Variants in GRIK1 observed in about 807,000 individuals in gnomAD.
GRIK1 encodes the protein glutamate receptor ionotropic, kainate 1.
GRIK1 carries 69 observed loss-of-function variants against 105.7 expected under a neutral mutation model. The ratio of observed to expected loss-of-function variants is 0.65; its 90% confidence interval spans 0.54 to 0.80. The LOEUF is 0.80. Ranked by LOEUF, GRIK1 falls within the 30% of genes least tolerant of loss-of-function variation. The pLI, the probability that GRIK1 is intolerant of heterozygous loss-of-function variation, is 0.00. For missense variants in GRIK1, 1,109 were observed against 1,167.3 expected (o/e 0.95, Z 0.73); for synonymous variants, 438 against 431.3 (o/e 1.02, Z -0.19).
chr21:29,869,475 G>C (rs1013424124), intron 1 of GRIK1, among the ~76,000 whole-genome samples: 5 of 152,326 alleles, frequency 3.3e-5, no homozygotes, highest in African/African-American at 1.2e-4. Context: ...GGAAAGCATT[G>C]ATATTGATTG....
At chr21:29,850,259 C>T (rs540913176) in intron 1 of GRIK1, among the ~76,000 whole-genome samples, 2 of 152,096 alleles carry the variant, frequency 1.3e-5, no homozygotes, top group African/African-American at 4.8e-5. Context: ...TCCTGGGTAG[C>T]ATTTCTTAAA....
chr21:29,882,776 T>C (rs1309047399), intron 1 of GRIK1, among the ~76,000 whole-genome samples: 5 of 152,100 alleles, frequency 3.3e-5, no homozygotes, highest in Non-Finnish European at 5.9e-5. Flanking sequence ...TTTGTTTCTA[T>C]TTCTCCACAC....
At chr21:29,845,218 CCTT>C (rs1293499670) in intron 1 of GRIK1, among the ~76,000 whole-genome samples, 1 of 151,120 alleles carries the variant, frequency 6.6e-6, no homozygotes, top group African/African-American at 2.4e-5. Context: ...TATTTTTTCT[CCTT>C]TATTTGTTGA....
chr21:29,568,158 A>G (rs1269671303), intron 14 of GRIK1, among the ~76,000 whole-genome samples: 1 of 152,232 alleles, frequency 6.6e-6, no homozygotes, highest in African/African-American at 2.4e-5. Context: ...AATTGACCTC[A>G]TAGATTTCTT....
intron 4 of GRIK1, among the ~76,000 whole-genome samples, chr21:29,658,545 A>G (rs527413915): frequency 6.6e-6 from 1 of 152,384 alleles, no homozygotes; most frequent in African/African-American, 2.4e-5. Context: ...CACAGGCGTG[A>G]GCCACTGCAC....
intron 7 of GRIK1, among the ~76,000 whole-genome samples, chr21:29,616,971 G>T (rs556671933): frequency 1.3e-5 from 2 of 152,202 alleles, no homozygotes; most frequent in South Asian, 4.2e-4. Context: ...TTTAGATCCA[G>T]CTTAGTTTCA....
intron 1 of GRIK1, among the ~76,000 whole-genome samples, chr21:29,755,611 C>T (rs1028190732): frequency 1.3e-5 from 2 of 152,150 alleles, no homozygotes; most frequent in Admixed American, 6.5e-5. Flanking sequence ...CTTTGGGTGC[C>T]TCTTTACATG....
chr21:29,902,586 G>C (rs2070450327), intron 1 of GRIK1, among the ~76,000 whole-genome samples: 1 of 152,148 alleles, frequency 6.6e-6, no homozygotes, highest in African/African-American at 2.4e-5. Context: ...CAACTTACAA[G>C]AGATGTGAAG....
At chr21:29,596,709 A>T in intron 8 of GRIK1, 139 bp from the exon 9 acceptor site, 4 of 717,666 alleles carry the variant, frequency 5.6e-6, no homozygotes, top group Non-Finnish European at 1.0e-5. Context: ...TCTTAATTCA[A>T]TATAAAGCCT....
At chr21:29,776,474 A>G (rs1207718797) in intron 1 of GRIK1, among the ~76,000 whole-genome samples, 1 of 152,238 alleles carries the variant, frequency 6.6e-6, no homozygotes, top group Non-Finnish European at 1.5e-5. Flanking sequence ...CCATGAAGGC[A>G]TATTGCTCAA....
chr21:29,602,160 A>C (rs2061531352), intron 7 of GRIK1, among the ~76,000 whole-genome samples: 1 of 152,212 alleles, frequency 6.6e-6, no homozygotes, highest in Non-Finnish European at 1.5e-5. Context: ...ATTTTGCATA[A>C]AACGAGCTTT....
rs58785675 is a variant in GRIK1, at chr21:29,868,025, A to AAAGG, written c.118+71354_118+71357dup. Among the ~76,000 whole-genome samples, 809 of 96,714 alleles carry AAAGG rather than the reference A, an allele frequency of 8.4e-3. 17 individuals carry two copies. The highest frequency in any genetic ancestry group is 0.034 in the African/African-American group (722 of 21,494). The allele number at this position is 96,714 out of a possible 152,430, so 63.4% of individuals were successfully genotyped here. ...AAAGAAAGAAAGAAAAGACAGAAAG[A>AAAGG]AAGGAAGGAAGGAAGGAAGGAAGGG... On this transcript the variant is annotated intron_variant, in intron 1 of 17. Transcript: ENST00000327783.
chr21:29,616,263 T>TC (rs2061848887), intron 7 of GRIK1, among the ~76,000 whole-genome samples: 1 of 152,150 alleles, frequency 6.6e-6, no homozygotes, highest in Admixed American at 6.5e-5. Context: ...ACTGAACCCA[T>TC]CTCTTGAGGG....
At chr21:29,642,615 C>T (rs363525) in intron 7 of GRIK1, among the ~76,000 whole-genome samples, 7,862 of 152,286 alleles carry the variant, frequency 0.052, 298 homozygotes, top group African/African-American at 0.11. Flanking sequence ...TATCTGGTAG[C>T]GTCACTGAAC....
intron 4 of GRIK1, among the ~76,000 whole-genome samples, chr21:29,671,633 G>A (rs931223068): frequency 1.3e-5 from 2 of 151,958 alleles, no homozygotes; most frequent in Non-Finnish European, 2.9e-5. Flanking sequence ...TCCTGCGAAG[G>A]GGTTTATCTA....
chr21:29,874,526 T>C (rs2069125685), intron 1 of GRIK1, among the ~76,000 whole-genome samples: 1 of 152,160 alleles, frequency 6.6e-6, no homozygotes, highest in Non-Finnish European at 1.5e-5. Context: ...TAAATACAGA[T>C]GAAGCTTCAT....
intron 3 of GRIK1, among the ~76,000 whole-genome samples, chr21:29,680,573 G>A (rs2063352909): frequency 6.6e-6 from 1 of 152,184 alleles, no homozygotes; most frequent in Non-Finnish European, 1.5e-5. Flanking sequence ...TGGTTTTAGC[G>A]AACCACGGTC....
chr21:29,814,587 G>A (rs1233867583), intron 1 of GRIK1, among the ~76,000 whole-genome samples: 1 of 152,064 alleles, frequency 6.6e-6, no homozygotes, highest in Non-Finnish European at 1.5e-5. Flanking sequence ...TACATCAAAT[G>A]CTTCTTCCTT....
At chr21:29,638,196 A>G (rs1601340376) in intron 7 of GRIK1, among the ~76,000 whole-genome samples, 2 of 152,188 alleles carry the variant, frequency 1.3e-5, no homozygotes, top group East Asian at 3.9e-4. Flanking sequence ...TGACTCACTC[A>G]CAGTTCTGCA....
Sources: gnomAD v4.1 joint callset for allele counts (sites outside exome capture counted in the v4.1 genomes callset) on GRCh38, gnomAD v4.1.1 for gene constraint, MANE v1.5 for transcripts, NCBI Gene and HGNC (gene_info 2026-07-23, HGNC 2026-07-21) for gene names.